The following ZP4 variants were observed in gnomAD, a reference collection of about 807,000 sequenced individuals.
ZP4 encodes the protein zona pellucida sperm-binding protein 4.
In ZP4, 62 loss-of-function variants were observed where a neutral mutation model predicts 62.3. The observed-to-expected ratio is 0.99, with a 90% confidence interval of 0.81 to 1.23. ZP4 has a LOEUF of 1.23. Ranked by LOEUF, ZP4 falls within the 50% of genes most tolerant of loss-of-function variation. The pLI is 0.00. For missense variants in ZP4, 774 were observed against 656.0 expected (o/e 1.18, Z -1.97); for synonymous variants, 289 against 247.3 (o/e 1.17, Z -1.58).
rs530045483 is a variant in ZP4 at position 237,886,804 on chromosome 1, C to T, written c.806G>A (p.Ser269Asn). ...GCTGTCACGAGTGACAGAGCCACGG[C>T]TCCCATTTTTCACATCCCTAGTTGC... is the stretch of plus-strand genomic sequence containing the variant. ...LVATRDVKNG[S>N]RGSVTRDSIF... Residue 269 changes from serine to asparagine, a missense_variant, in exon 6 of 12, where the codon AGC becomes AAC. Ser to Asn is a conservative substitution (Grantham distance 46). Coordinates refer to ENST00000366570, the MANE Select transcript of ZP4 (RefSeq NM_021186.5). The T allele has an allele frequency of 6.2e-7, 1 of 1,614,070 alleles. No individual in the cohort carries two copies. The highest frequency in any genetic ancestry group is 1.3e-5 in the African/African-American group (1 of 75,032).
chr1:237,885,077 C>T, intron 9 of ZP4, 88 bp downstream of exon 9: 3 of 1,539,842 alleles, frequency 1.9e-6, no homozygotes, highest in African/African-American at 1.4e-5. Context: ...AAAGGGCTTC[C>T]TTGGCTGCAG....
rs1440308292 is a variant in ZP4, at chr1:237,884,051, C to G, written c.1390+718G>C. ...ACACACAAACACACACAAACACACA[C>G]AAACACACACAAACACACACAAACA... On this transcript the variant is annotated intron_variant, in intron 10 of 11. Coordinates refer to ENST00000366570, the MANE Select transcript of ZP4 (RefSeq NM_021186.5). Among the ~76,000 whole-genome samples, 15 of 135,774 alleles carry G rather than the reference C, an allele frequency of 1.1e-4. 1 individual carries two copies. The South Asian group carries it at 3.3e-3, about 30-fold the overall frequency. 89.1% of individuals were successfully genotyped at this position (135,774 alleles called of 152,430 possible).
At chr1:237,889,549 C>A (rs1665187957) in intron 3 of ZP4, among the ~76,000 whole-genome samples, 1 of 152,056 alleles carries the variant, frequency 6.6e-6, no homozygotes, top group Non-Finnish European at 1.5e-5. Flanking sequence ...AACTCCCGAC[C>A]TGATCCACCT....
At chr1:237,887,243 A>T in intron 5 of ZP4, 131 bp downstream of exon 5, 2 of 1,052,192 alleles carry the variant, frequency 1.9e-6, no homozygotes, top group Non-Finnish European at 2.8e-6. Flanking sequence ...CTCCTGCCCT[A>T]GGGACTCTCC....
chr1:237,890,482 G>A lies in ZP4; in HGVS notation c.154C>T (p.Pro52Ser), dbSNP rs868260714. Residue 52 changes from proline to serine, a missense_variant, in exon 1 of 12, where the codon CCT becomes TCT. Physicochemically the swap from Pro to Ser is moderately conservative, Grantham distance 74. Coordinates refer to ENST00000366570, the MANE Select transcript of ZP4 (RefSeq NM_021186.5). ...TTACCCCAAGCTATTAGTACAGGAGGAGACGTTGCCTCCTGGTTGAGGTTT... is the reference window on the plus strand; with the variant it reads ...TTACCCCAAGCTATTAGTACAGGAGAAGACGTTGCCTCCTGGTTGAGGTTT... ...AVNLNQEATS[P>S]PVLIAWDNQG... 17 of 1,613,538 alleles carry A rather than the reference G, an allele frequency of 1.1e-5. No individual in the cohort carries two copies. Among genetic ancestry groups the A allele is most frequent in the Admixed American group, 1.7e-5 (1 of 59,920 alleles).
At chr1:237,890,285 C>A (rs1050535022) in intron 1 of ZP4, 109 bp from the exon 2 acceptor site, 1 of 1,560,198 alleles carries the variant, frequency 6.4e-7, no homozygotes, top group Admixed American at 1.7e-5. Context: ...ATAAGAGGAA[C>A]AAGAGGGAAA....
At chr1:237,889,753 C>T in intron 3 of ZP4, 114 bp downstream of exon 3, 1 of 923,606 alleles carries the variant, frequency 1.1e-6, no homozygotes, top group Non-Finnish European at 1.7e-6. Context: ...GGACATGATC[C>T]TTCCTTCATT....
chr1:237,885,467 G>GC lies in ZP4; in HGVS notation c.1083dup (p.Leu362AlafsTer13). ...GTTGCCCAACACTGTTGTAGGAGCA[G>GC]CCCCAGGTAGGGGTCTGTTCTGTGA... is the stretch of plus-strand genomic sequence containing the variant. On this transcript the variant is annotated frameshift_variant, in exon 8 of 12. Coordinates refer to ENST00000366570, the MANE Select transcript of ZP4 (RefSeq NM_021186.5). LOFTEE classifies it high-confidence loss of function. 1 of 1,614,164 alleles carries GC rather than the reference G, an allele frequency of 6.2e-7. No individual in the cohort carries two copies. The highest frequency in any genetic ancestry group is 8.5e-7 in the Non-Finnish European group (1 of 1,180,028).
rs1665214884 is a variant in ZP4, at chr1:237,890,494, C to T, written c.142G>A (p.Glu48Lys). 2 of 1,613,784 alleles carry T rather than the reference C, an allele frequency of 1.2e-6. No homozygotes were observed. The highest frequency in any genetic ancestry group is 1.1e-5 in the South Asian group (1 of 90,988). The part of the protein sequence containing the change: ...SFQFAVNLNQ[E>K]ATSPPVLIAW... ...ATTAGTACAGGAGGAGACGTTGCCT[C>T]CTGGTTGAGGTTTACAGCAAACTGG... Residue 48 changes from glutamate to lysine, a missense_variant, in exon 1 of 12, where the codon GAG (glutamate) becomes AAG (lysine). Transcript: ENST00000366570.
intron 6 of ZP4, 141 bp from the exon 7 acceptor site, chr1:237,886,027 CT>C: frequency 8.4e-7 from 1 of 1,185,914 alleles, no homozygotes; most frequent in Non-Finnish European, 1.2e-6. Flanking sequence ...CTGCTGGGAG[CT>C]GTATTTTAGT....
chr1:237,885,424 AG>A lies in ZP4; in HGVS notation c.1126del (p.Leu376Ter), dbSNP rs1558532326. The A allele has an allele frequency of 1.2e-6, 2 of 1,612,884 alleles. No individual in the cohort carries two copies. The highest frequency in any genetic ancestry group is 1.7e-6 in the Non-Finnish European group (2 of 1,179,428). On this transcript the variant is annotated frameshift_variant, in exon 8 of 12. Transcript: ENST00000366570. LOFTEE classifies it high-confidence loss of function. The part of the protein sequence containing the change: ...QCWATPSTDP[L>X]SQPQWPILVK... ...CAGGATGGGCCACTGTGGCTGACTC[AG>A]GGGGTCAGTGCTGGGTGTTGCCCAA...
chr1:237,889,656 C>T (rs1665190552), intron 3 of ZP4, among the ~76,000 whole-genome samples: 1 of 152,132 alleles, frequency 6.6e-6, no homozygotes, highest in Non-Finnish European at 1.5e-5. Context: ...GGGAAGGTAA[C>T]ACCTGAAGTG....
At position 237,885,436 on chromosome 1, in the gene ZP4, C is replaced by T. The variant is rs773262337; in HGVS notation, c.1115G>A (p.Ser372Asn). The T allele has an allele frequency of 2.2e-5, 36 of 1,613,646 alleles. No homozygotes were observed. Among genetic ancestry groups the T allele is most frequent in the South Asian group, 6.6e-5 (6 of 91,016 alleles). The part of the protein sequence containing the change: ...LLLQQCWATP[S>N]TDPLSQPQWP... ...CTGTGGCTGACTCAGGGGGTCAGTGCTGGGTGTTGCCCAACACTGTTGTAG... is the reference window on the plus strand; with the variant it reads ...CTGTGGCTGACTCAGGGGGTCAGTGTTGGGTGTTGCCCAACACTGTTGTAG... Residue 372 changes from serine to asparagine, a missense_variant, in exon 8 of 12, where the codon AGC (serine) becomes AAC (asparagine). By Grantham distance (46) the Ser-to-Asn change is conservative. Transcript: ENST00000366570.
Position 237,882,483 on chromosome 1 carries a change from A to G in ZP4, c.1562T>C (p.Leu521Ser). 6.2e-7 allele frequency: 1 copy of G among 1,609,962 alleles called. No homozygotes were observed. Among genetic ancestry groups the G allele is most frequent in the Non-Finnish European group, 8.5e-7 (1 of 1,179,098 alleles). The part of the protein sequence containing the change: ...GLSGTLILGA[L>S]LVSYLAVKKQ... Reference sequence around the variant, plus strand: ...CTTGACAGCCAAGTAGGATACTAACAAGGCTCCAAGGATTAAGGTCCCAGA... The same window carrying G: ...CTTGACAGCCAAGTAGGATACTAACGAGGCTCCAAGGATTAAGGTCCCAGA... The change falls in exon 12 of 12, where the codon TTG becomes TCG. Residue 521 changes from leucine to serine, a missense_variant. Coordinates refer to ENST00000366570, the MANE Select transcript of ZP4 (RefSeq NM_021186.5).
intron 5 of ZP4, among the ~76,000 whole-genome samples, chr1:237,887,123 C>G (rs1665121777): frequency 6.6e-6 from 1 of 152,180 alleles, no homozygotes; most frequent in Non-Finnish European, 1.5e-5. Flanking sequence ...AGCATCCCTG[C>G]TGGTTTCTTC....
intron 7 of ZP4, 54 bp from the exon 8 acceptor site, chr1:237,885,634 G>T: frequency 6.3e-7 from 1 of 1,598,570 alleles, no homozygotes; most frequent in African/African-American, 1.3e-5. Context: ...TGACTTGAGG[G>T]ACTGTCACCC....
intron 9 of ZP4, 27 bp from the exon 10 acceptor site, chr1:237,884,874 T>C: frequency 6.2e-7 from 1 of 1,607,524 alleles, no homozygotes; most frequent in Non-Finnish European, 8.5e-7. Flanking sequence ...TTCAGGTCAT[T>C]TGTAGTATCA....
In ZP4 at chr1:237,890,673, G is replaced by GCCT; in HGVS notation, c.-41_-39dup. On this transcript the variant is annotated 5_prime_UTR_variant, in exon 1 of 12. Coordinates refer to ENST00000366570, the MANE Select transcript of ZP4 (RefSeq NM_021186.5). ...AGTTCCTGCCGGCTGCAGACTCTCC[G>GCCT]CCTCCTCTCCCAAGAGCCGAGGGTC... The GCCT allele has an allele frequency of 1.3e-6, 2 of 1,592,546 alleles. No homozygotes were observed. The highest frequency in any genetic ancestry group is 4.5e-5 in the East Asian group (2 of 44,604).
chr1:237,882,560 G>A lies in ZP4; in HGVS notation c.1496-11C>T, dbSNP rs777702539. On this transcript the variant is annotated splice_polypyrimidine_tract_variant and intron_variant, in intron 11 of 11. Transcript: ENST00000366570. ...AGTCTACAGGAACACCTGGAGGATG[G>A]ATGGAAAGGTAGGTTAATGTATGCT... is the stretch of plus-strand genomic sequence containing the variant. 5.0e-6 allele frequency: 8 copies of A among 1,590,428 alleles called. No individual in the cohort carries two copies. In the African/African-American group the frequency reaches 1.1e-4, roughly 22 times the overall value.
Sources: gnomAD v4.1 joint callset for allele counts (sites outside exome capture counted in the v4.1 genomes callset) on GRCh38, gnomAD v4.1.1 for gene constraint, MANE v1.5 for transcripts, NCBI Gene and HGNC (gene_info 2026-07-23, HGNC 2026-07-21) for gene names.